Variants in HABP2 observed in about 807,000 individuals in gnomAD.
HABP2 encodes factor VII-activating protease.
Under a neutral mutation model 66.5 loss-of-function variants are expected in HABP2, and 65 were observed. The observed-to-expected ratio is 0.98, with a 90% CI of 0.80 to 1.20. HABP2 has a LOEUF of 1.20. Among genes scored for constraint, HABP2 ranks in the 50% most tolerant of loss-of-function variants. The pLI, the probability that HABP2 is intolerant of heterozygous loss-of-function variation, is 0.00. For missense variants in HABP2, 786 were observed against 691.0 expected (o/e 1.14, Z -1.54); for synonymous variants, 263 against 253.9 (o/e 1.04, Z -0.34).
chr10:113,561,870 T>C (rs1845105783), intron 1 of HABP2, among the ~76,000 whole-genome samples: 1 of 152,110 alleles, frequency 6.6e-6, no homozygotes, highest in African/African-American at 2.4e-5. Flanking sequence ...TAGGACAAAA[T>C]AGACTTGATG....
intron 12 of HABP2, among the ~76,000 whole-genome samples, chr10:113,587,583 T>G (rs1443030940): frequency 1.3e-5 from 2 of 152,190 alleles, no homozygotes; most frequent in Admixed American, 1.3e-4. Flanking sequence ...TTGTAGTGTT[T>G]AAGCAGTATT....
At chr10:113,576,737 A>G (rs1845418440) in intron 4 of HABP2, among the ~76,000 whole-genome samples, 1 of 152,112 alleles carries the variant, frequency 6.6e-6, no homozygotes, top group African/African-American at 2.4e-5. Flanking sequence ...CAATCCTGCA[A>G]TTTCTTCAGT....
intron 1 of HABP2, among the ~76,000 whole-genome samples, chr10:113,564,830 ACC>A (rs386747774): frequency 6.7e-6 from 1 of 149,012 alleles, no homozygotes; most frequent in East Asian, 2.0e-4. Flanking sequence ...ACATCACTCT[ACC>A]TCACCACGCA....
intron 1 of HABP2, among the ~76,000 whole-genome samples, chr10:113,564,759 C>A (rs918446339): frequency 5.9e-5 from 9 of 152,158 alleles, no homozygotes; most frequent in Non-Finnish European, 1.3e-4. Flanking sequence ...GTCTCTCATT[C>A]TCCTGTGTGT....
At chr10:113,572,986 T>A (rs1299796162) in intron 2 of HABP2, among the ~76,000 whole-genome samples, 1 of 152,070 alleles carries the variant, frequency 6.6e-6, no homozygotes, top group Non-Finnish European at 1.5e-5. Context: ...GAGAGACGAG[T>A]AAGATAATGT....
At chr10:113,578,205 G>A (rs1413568672) in intron 6 of HABP2, 60 bp downstream of exon 6, 1 of 1,569,138 alleles carries the variant, frequency 6.4e-7, no homozygotes, top group Non-Finnish European at 8.7e-7. Context: ...TTTCCTCTCT[G>A]GGTTTTGTTG....
In HABP2 at chr10:113,576,961, T is replaced by C. The variant is rs576939678; in HGVS notation, c.332-189T>C. 2.0e-5 allele frequency among the ~76,000 whole-genome samples: 3 copies of C among 152,292 alleles called. No homozygotes were observed. In the East Asian group the frequency reaches 5.8e-4, roughly 29 times the overall value. ...TTAAGACTATGGGCATGGGAAGCAA[T>C]GTGGGAGACAATCCTCCATGACCCA... On this transcript the variant is annotated intron_variant, in intron 4 of 12. Coordinates refer to ENST00000351270, the MANE Select transcript of HABP2 (RefSeq NM_004132.5).
At chr10:113,560,893 C>T (rs1053597569) in intron 1 of HABP2, among the ~76,000 whole-genome samples, 6 of 152,112 alleles carry the variant, frequency 3.9e-5, no homozygotes, top group Admixed American at 6.5e-5. Context: ...TTCTGTTCAA[C>T]GAGTACAGTC....
At chr10:113,554,043 G>A (rs1390395946) in intron 1 of HABP2, among the ~76,000 whole-genome samples, 3 of 152,206 alleles carry the variant, frequency 2.0e-5, no homozygotes, top group African/African-American at 7.2e-5. Context: ...CATTCTAGCT[G>A]TGGAATGTTG....
At chr10:113,570,665 A>C (rs763429482) in intron 2 of HABP2, among the ~76,000 whole-genome samples, 1 of 152,218 alleles carries the variant, frequency 6.6e-6, no homozygotes, top group Non-Finnish European at 1.5e-5. Context: ...TGCCAAGTAC[A>C]TTTGACCCAT....
intron 12 of HABP2, among the ~76,000 whole-genome samples, chr10:113,587,118 CAGCCT>C (rs1845653956): frequency 1.3e-5 from 2 of 152,204 alleles, no homozygotes; most frequent in Non-Finnish European, 2.9e-5. Flanking sequence ...AGTTCAAGAT[CAGCCT>C]AGCCAACATG....
intron 1 of HABP2, among the ~76,000 whole-genome samples, chr10:113,555,757 G>A (rs1326767482): frequency 6.6e-6 from 1 of 152,168 alleles, no homozygotes; most frequent in East Asian, 1.9e-4. Context: ...CATTATCCCT[G>A]TTTTATGGAT....
At chr10:113,587,313 T>C (rs1232058916) in intron 12 of HABP2, among the ~76,000 whole-genome samples, 1 of 148,342 alleles carries the variant, frequency 6.7e-6, no homozygotes, top group Admixed American at 6.9e-5. Flanking sequence ...CGAGACCCTG[T>C]CTCAAAAAAA....
intron 12 of HABP2, among the ~76,000 whole-genome samples, chr10:113,586,321 G>A (rs1390580463): frequency 6.6e-6 from 1 of 152,170 alleles, no homozygotes; most frequent in Middle Eastern, 3.2e-3. Context: ...GGGGCTTGTG[G>A]CCTCAGTGTA....
At chr10:113,574,211 G>C (rs969802310) in intron 2 of HABP2, 78 bp from the exon 3 acceptor site, 1 of 752,108 alleles carries the variant, frequency 1.3e-6, no homozygotes. Context: ...TTGGGGAAAA[G>C]GTGTCCAACT....
intron 7 of HABP2, among the ~76,000 whole-genome samples, chr10:113,579,703 A>C (rs987391199): frequency 6.6e-6 from 1 of 151,618 alleles, no homozygotes; most frequent in African/African-American, 2.4e-5. Flanking sequence ...GATGAGTTGC[A>C]GGTGAGGGGG....
chr10:113,561,083 T>C (rs545512942), intron 1 of HABP2, among the ~76,000 whole-genome samples: 24 of 152,190 alleles, frequency 1.6e-4, no homozygotes, highest in Non-Finnish European at 3.1e-4. Flanking sequence ...GCACAACTGC[T>C]CATCTTAGTG....
intron 2 of HABP2, among the ~76,000 whole-genome samples, chr10:113,570,446 A>C (rs368784884): frequency 6.6e-6 from 1 of 152,338 alleles, no homozygotes; most frequent in African/African-American, 2.4e-5. Flanking sequence ...CTGATAGAAA[A>C]TTCTTGAACA....
intron 10 of HABP2, 31 bp downstream of exon 10, chr10:113,583,389 G>A (rs375740681): frequency 2.7e-5 from 44 of 1,601,978 alleles, no homozygotes; most frequent in Non-Finnish European, 3.6e-5. Context: ...TTTCCTGAGG[G>A]TCTTGTCCTG....
Sources: gnomAD v4.1 joint callset for allele counts (sites outside exome capture counted in the v4.1 genomes callset) on GRCh38, gnomAD v4.1.1 for gene constraint, MANE v1.5 for transcripts, NCBI Gene and HGNC (gene_info 2026-07-23, HGNC 2026-07-21) for gene names.